Variants in ONECUT2 observed in about 807,000 individuals in gnomAD.
ONECUT2 encodes one cut homeobox 2.
ONECUT2 carries 10 observed loss-of-function variants against 27.9 expected under a neutral mutation model. The observed-to-expected ratio is 0.36, with a 90% CI of 0.22 to 0.61. The LOEUF is 0.61. ONECUT2 is among the 20% of genes least tolerant of loss of function. The pLI is 0.73. For missense variants in ONECUT2, 686 were observed against 721.0 expected (o/e 0.95, Z 0.56); for synonymous variants, 334 against 315.1 (o/e 1.06, Z -0.64).
Position 57,485,808 on chromosome 18 carries a change from T to G in ONECUT2, c.*9085T>G, listed in dbSNP as rs1054715597. On this transcript the variant is annotated 3_prime_UTR_variant, in exon 2 of 2. Coordinates refer to ENST00000491143, the MANE Select transcript of ONECUT2 (RefSeq NM_004852.3). ...CAAACTGTAGGAAACACTGTTACTC[T>G]CTTTCTGAAGTTTTCAAGCACCATC... 16 of 152,200 alleles carry G rather than the reference T, an allele frequency of 1.1e-4. No homozygotes were observed. Among genetic ancestry groups the G allele is most frequent in the African/African-American group, 3.9e-4 (16 of 41,448 alleles). 9.4% of individuals were successfully genotyped at this position (152,200 alleles called of 1,614,324 possible). A position where few individuals can be genotyped will look rare whatever the true frequency, so the allele number is the denominator to read the frequency against.
chr18:57,481,359 A>C lies in ONECUT2; in HGVS notation c.*4636A>C, dbSNP rs1454379380. On this transcript the variant is annotated 3_prime_UTR_variant, in exon 2 of 2. Transcript: ENST00000491143. Reference sequence around the variant, plus strand: ...CCTTTTCCCCCTGCAGGCTCTTGGCAATTGTAGGCTTTAGCAAATCCAGAA... The same window carrying C: ...CCTTTTCCCCCTGCAGGCTCTTGGCCATTGTAGGCTTTAGCAAATCCAGAA... The C allele has an allele frequency of 6.6e-6, 1 of 152,348 alleles. No homozygotes were observed. The highest frequency in any genetic ancestry group is 1.5e-5 in the Non-Finnish European group (1 of 68,020). The allele number at this position is 152,348 out of a possible 1,614,324, so 9.4% of individuals were successfully genotyped here.
At chr18:57,437,193 A>ACCCCC (rs35937482) in intron 1 of ONECUT2, among the ~76,000 whole-genome samples, 1 of 145,668 alleles carries the variant, frequency 6.9e-6, no homozygotes, top group African/African-American at 2.5e-5. Context: ...TCATTGACCG[A>ACCCCC]CCCCCCCCCA....
intron 1 of ONECUT2, among the ~76,000 whole-genome samples, chr18:57,438,309 G>T (rs2050154956): frequency 6.6e-6 from 1 of 152,244 alleles, no homozygotes; most frequent in South Asian, 2.1e-4. Context: ...CATGGATCGG[G>T]TGGAGGGGGG....
chr18:57,442,683 G>C (rs1568118422), intron 1 of ONECUT2, among the ~76,000 whole-genome samples: 1 of 152,064 alleles, frequency 6.6e-6, no homozygotes, highest in Non-Finnish European at 1.5e-5. Context: ...AGGGGCGAGT[G>C]GGCCTTTAGA....
chr18:57,465,437 T>A (rs973459164), intron 1 of ONECUT2, among the ~76,000 whole-genome samples: 3 of 152,258 alleles, frequency 2.0e-5, no homozygotes, highest in Non-Finnish European at 4.4e-5. Context: ...GTGCTGGGAT[T>A]ACAGGCATGA....
chr18:57,464,621 T>A (rs1317327400), intron 1 of ONECUT2, among the ~76,000 whole-genome samples: 1 of 152,262 alleles, frequency 6.6e-6, no homozygotes, highest in East Asian at 1.9e-4. Flanking sequence ...CAAACTATAT[T>A]ATTCACATAA....
At chr18:57,467,098 C>T (rs1289757181) in intron 1 of ONECUT2, 7 of 449,176 alleles carry the variant, frequency 1.6e-5, no homozygotes, top group Non-Finnish European at 3.1e-5. Context: ...TCCTGAGTCC[C>T]CTTCAGTGAC....
At position 57,461,081 on chromosome 18, in the gene ONECUT2, G is replaced by A. The variant is rs376481703; in HGVS notation, c.1229-15356G>A. Reference sequence around the variant, plus strand: ...TTATTTCTAGCTACTTGTTACTGTTGTGAAGGTTTTTTTCTGTTGCGTTTT... The same window carrying A: ...TTATTTCTAGCTACTTGTTACTGTTATGAAGGTTTTTTTCTGTTGCGTTTT... On this transcript the variant is annotated intron_variant, in intron 1 of 1. Coordinates refer to ENST00000491143, the MANE Select transcript of ONECUT2 (RefSeq NM_004852.3). 1.4e-4 allele frequency among the ~76,000 whole-genome samples: 22 copies of A among 152,012 alleles called. 2 individuals carry two copies. The South Asian group carries it at 4.4e-3, about 30-fold the overall frequency.
intron 1 of ONECUT2, among the ~76,000 whole-genome samples, chr18:57,470,577 A>C (rs2050347717): frequency 6.6e-6 from 1 of 152,124 alleles, no homozygotes; most frequent in Non-Finnish European, 1.5e-5. Flanking sequence ...GACTGGACAA[A>C]ACACTGAGGT....
chr18:57,454,802 TC>T (rs1250342374), intron 1 of ONECUT2, among the ~76,000 whole-genome samples: 1 of 152,166 alleles, frequency 6.6e-6, no homozygotes, highest in African/African-American at 2.4e-5. Context: ...CTTTTAAGAC[TC>T]CCTTAACAGT....
intron 1 of ONECUT2, among the ~76,000 whole-genome samples, chr18:57,476,006 A>G (rs975610281): frequency 7.2e-5 from 11 of 152,176 alleles, no homozygotes; most frequent in Admixed American, 6.5e-5. Context: ...TTTTGACTCC[A>G]GAAGGTAATT....
chr18:57,454,197 G>T (rs1346310402), intron 1 of ONECUT2, among the ~76,000 whole-genome samples: 1 of 152,136 alleles, frequency 6.6e-6, no homozygotes, highest in African/African-American at 2.4e-5. Flanking sequence ...ACATTGTAAG[G>T]TTATTGTGAG....
chr18:57,468,890 G>A (rs758996175), intron 1 of ONECUT2, among the ~76,000 whole-genome samples: 12 of 152,120 alleles, frequency 7.9e-5, no homozygotes, highest in Non-Finnish European at 1.5e-4. Context: ...TCTTGATCAT[G>A]CAGATTAGTT....
In ONECUT2 at chr18:57,436,814, G is replaced by T. The variant is rs8084084; in HGVS notation, c.1098G>T (p.Gly366=). The change falls in exon 1 of 2, where the codon GGG becomes GGT. Residue 366 remains glycine, a synonymous_variant. Transcript: ENST00000491143. The surrounding 1 kb of genome is among the most constrained non-coding windows in gnomAD (Gnocchi z 5.9). The stretch of plus-strand genomic sequence containing the variant: ...AGAGGGTGCTGTGCCGGTCTCAGGG[G>T]ACTCTCTCCGACCTGCTCCGGAATC... The part of the protein sequence containing the change: ...FAQRVLCRSQ[G]TLSDLLRNPK... 5 of 1,614,030 alleles carry T rather than the reference G, an allele frequency of 3.1e-6. No individual in the cohort carries two copies. Among genetic ancestry groups the T allele is most frequent in the South Asian group, 2.2e-5 (2 of 91,088 alleles).
chr18:57,454,039 A>AT (rs2050245532), intron 1 of ONECUT2, among the ~76,000 whole-genome samples: 1 of 152,014 alleles, frequency 6.6e-6, no homozygotes, highest in Non-Finnish European at 1.5e-5. Context: ...TGCTGCCTTA[A>AT]TTTTTTTAAA....
chr18:57,450,395 A>G (rs2144310649), intron 1 of ONECUT2, among the ~76,000 whole-genome samples: 1 of 152,260 alleles, frequency 6.6e-6, no homozygotes, highest in East Asian at 1.9e-4. Flanking sequence ...GCTGGTCTCA[A>G]ACTCCTGACC....
At chr18:57,472,342 C>T (rs927276975) in intron 1 of ONECUT2, among the ~76,000 whole-genome samples, 1 of 152,208 alleles carries the variant, frequency 6.6e-6, no homozygotes, top group Non-Finnish European at 1.5e-5. Flanking sequence ...CACAGCCTCA[C>T]ACCAGCTCCC....
Position 57,485,061 on chromosome 18 carries a change from T to A in ONECUT2, c.*8338T>A, listed in dbSNP as rs183069527. On this transcript the variant is annotated 3_prime_UTR_variant, in exon 2 of 2. Transcript: ENST00000491143. ...CGGGATTTTTGCCCTAGGAAAAACA[T>A]GTTGATCCCAATGATGTGATCACTT... 7 of 152,340 alleles carry A rather than the reference T, an allele frequency of 4.6e-5. No homozygotes were observed. The highest frequency in any genetic ancestry group is 4.6e-4 in the Admixed American group (7 of 15,304). 9.4% of individuals were successfully genotyped at this position (152,340 alleles called of 1,614,324 possible).
Position 57,486,284 on chromosome 18 carries a change from C to T in ONECUT2, c.*9561C>T, listed in dbSNP as rs1046064443. The T allele has an allele frequency of 6.5e-6, 1 of 152,684 alleles. No homozygotes were observed. Among genetic ancestry groups the T allele is most frequent in the Admixed American group, 6.5e-5 (1 of 15,272 alleles). 9.5% of individuals were successfully genotyped at this position (152,684 alleles called of 1,614,324 possible). A position where few individuals can be genotyped will look rare whatever the true frequency, so the allele number is the denominator to read the frequency against. ...TTAATTCTTCCTGTGAATACCTCAGCTTCAACTGGGCCTCCATACAGTCAG... is the reference window on the plus strand; with the variant it reads ...TTAATTCTTCCTGTGAATACCTCAGTTTCAACTGGGCCTCCATACAGTCAG... On this transcript the variant is annotated 3_prime_UTR_variant, in exon 2 of 2. Coordinates refer to ENST00000491143, the MANE Select transcript of ONECUT2 (RefSeq NM_004852.3).
Sources: gnomAD v4.1 joint callset for allele counts (sites outside exome capture counted in the v4.1 genomes callset) on GRCh38, gnomAD v4.1.1 for gene constraint, Gnocchi (gnomAD v3.1) non-coding constraint, MANE v1.5 for transcripts, NCBI Gene and HGNC (gene_info 2026-07-23, HGNC 2026-07-21) for gene names.